The following NRCAM variants were observed in gnomAD, a reference collection of about 807,000 sequenced individuals.
NRCAM encodes the protein neuronal cell adhesion molecule.
NRCAM carries 83 observed loss-of-function variants against 156.5 expected under a neutral mutation model. That is an observed-to-expected ratio of 0.53 (90% confidence interval 0.44 to 0.64). NRCAM has a LOEUF of 0.64. Among genes scored for constraint, NRCAM ranks in the 30% least tolerant of loss-of-function variants. The pLI, the probability that NRCAM is intolerant of heterozygous loss-of-function variation, is 0.00. For synonymous variants in NRCAM, 538 were observed against 563.9 expected (o/e 0.95, Z 0.65); for missense variants, 1,417 against 1,597.3 (o/e 0.89, Z 1.92).
At chr7:108,200,737 TACACACACACACACACACACACAC>T (rs61489479) in intron 13 of NRCAM, among the ~76,000 whole-genome samples, 34 of 134,972 alleles carry the variant, frequency 2.5e-4, no homozygotes, top group African/African-American at 3.8e-4. Flanking sequence ...GATAAAGAAA[TACACACACACACACACACACACAC>T]ACACACACAC....
intron 2 of NRCAM, among the ~76,000 whole-genome samples, chr7:108,317,515 A>G (rs1018548262): frequency 2.0e-5 from 3 of 152,220 alleles, no homozygotes; most frequent in African/African-American, 7.2e-5. Context: ...AAAATTTTAT[A>G]TGGCAGATAG....
intron 1 of NRCAM, among the ~76,000 whole-genome samples, chr7:108,436,069 G>C (rs1205335291): frequency 6.6e-6 from 1 of 152,248 alleles, no homozygotes; most frequent in Non-Finnish European, 1.5e-5. Context: ...GGGAGGCGGA[G>C]CTTGCAGTGA....
chr7:108,299,622 T>C (rs2098548427), intron 3 of NRCAM, among the ~76,000 whole-genome samples: 1 of 152,248 alleles, frequency 6.6e-6, no homozygotes, highest in Admixed American at 6.5e-5. Context: ...TAGAGCCACA[T>C]GTGCAGTGCA....
intron 32 of NRCAM, among the ~76,000 whole-genome samples, chr7:108,153,345 A>G (rs1265202566): frequency 1.3e-5 from 2 of 152,190 alleles, no homozygotes; most frequent in Non-Finnish European, 2.9e-5. Flanking sequence ...AAATAAAAAT[A>G]TGATAATCTC....
intron 2 of NRCAM, among the ~76,000 whole-genome samples, chr7:108,373,843 C>T (rs1459404168): frequency 2.0e-5 from 3 of 152,150 alleles, no homozygotes; most frequent in East Asian, 1.9e-4. Context: ...AATGATGTTA[C>T]ATGGGAAGTG....
At chr7:108,179,405 G>T (rs561248293) in intron 25 of NRCAM, among the ~76,000 whole-genome samples, 1 of 152,216 alleles carries the variant, frequency 6.6e-6, no homozygotes, top group African/African-American at 2.4e-5. Context: ...GCCAGGGTGG[G>T]GTCCATCTTC....
At chr7:108,269,544 G>A (rs2097260890) in intron 3 of NRCAM, among the ~76,000 whole-genome samples, 1 of 152,166 alleles carries the variant, frequency 6.6e-6, no homozygotes. Flanking sequence ...GGGTGACGGG[G>A]AAGGGGTCCA....
intron 30 of NRCAM, among the ~76,000 whole-genome samples, chr7:108,161,623 G>GT (rs1047369550): frequency 6.6e-6 from 1 of 152,124 alleles, no homozygotes; most frequent in Non-Finnish European, 1.5e-5. Flanking sequence ...ACACAGTTGA[G>GT]TTAGGTGTGT....
Position 108,191,235 on chromosome 7 carries a change from A to C in NRCAM, c.1933+19T>G, listed in dbSNP as rs1453026150. On this transcript the variant is annotated intron_variant, in intron 19 of 32. Coordinates refer to ENST00000379028, the MANE Select transcript of NRCAM (RefSeq NM_001037132.4). ...ATTGTTTGACAGAAAACAGAGAAAG[A>C]AGACTCATATTAGTTTACCGTAAAC... is the stretch of plus-strand genomic sequence containing the variant. 1 of 1,593,462 alleles carries C rather than the reference A, an allele frequency of 6.3e-7. No individual in the cohort carries two copies. The highest frequency in any genetic ancestry group is 8.6e-7 in the Non-Finnish European group (1 of 1,166,384).
chr7:108,209,317 A>G lies in NRCAM; in HGVS notation c.1075+104T>C, dbSNP rs562546546. The G allele has an allele frequency of 1.2e-5, 9 of 775,930 alleles. No individual in the cohort carries two copies. In the Admixed American group the frequency reaches 1.6e-4, roughly 14 times the overall value. The allele number at this position is 775,930 out of a possible 1,614,324, so 48.1% of individuals were successfully genotyped here. On this transcript the variant is annotated intron_variant, in intron 12 of 32. Transcript: ENST00000379028. Reference sequence around the variant, plus strand: ...GAGTCAAGGTACCATGAATGTTGACATAACTTTACATTTACCATTACTAAA... The same window carrying G: ...GAGTCAAGGTACCATGAATGTTGACGTAACTTTACATTTACCATTACTAAA...
chr7:108,255,170 T>TC (rs111800077), intron 3 of NRCAM, among the ~76,000 whole-genome samples: 144 of 87,104 alleles, frequency 1.7e-3, no homozygotes, highest in South Asian at 6.5e-3. Flanking sequence ...CCTCTCCCCC[T>TC]CCCCCCCCTG....
chr7:108,388,510 G>T (rs2099748859), intron 2 of NRCAM, among the ~76,000 whole-genome samples: 1 of 152,276 alleles, frequency 6.6e-6, no homozygotes, highest in East Asian at 1.9e-4. Context: ...TCTGTAGGTT[G>T]CCTGTTCACT....
At chr7:108,328,991 C>A (rs757736273) in intron 2 of NRCAM, among the ~76,000 whole-genome samples, 1 of 152,202 alleles carries the variant, frequency 6.6e-6, no homozygotes, top group African/African-American at 2.4e-5. Flanking sequence ...CAATGACTCA[C>A]AACAGTCATT....
At chr7:108,422,547 T>C (rs888769873) in intron 1 of NRCAM, among the ~76,000 whole-genome samples, 1 of 152,078 alleles carries the variant, frequency 6.6e-6, no homozygotes, top group Non-Finnish European at 1.5e-5. Context: ...TCACCCAACT[T>C]TGACAAGTAC....
At chr7:108,209,360 A>G in intron 12 of NRCAM, 61 bp downstream of exon 12, 2 of 1,165,898 alleles carry the variant, frequency 1.7e-6, no homozygotes, top group South Asian at 1.7e-5. Flanking sequence ...TGAAAACCAC[A>G]TTTAATTAAA....
chr7:108,333,020 T>C (rs2099142906), intron 2 of NRCAM, among the ~76,000 whole-genome samples: 1 of 152,212 alleles, frequency 6.6e-6, no homozygotes, highest in Admixed American at 6.5e-5. Context: ...AGCAATTTTA[T>C]ATGATTCAAC....
chr7:108,362,801 C>G (rs79968851), intron 2 of NRCAM, among the ~76,000 whole-genome samples: 2 of 152,096 alleles, frequency 1.3e-5, no homozygotes, highest in African/African-American at 4.8e-5. Context: ...TGTATCTACA[C>G]AGGTTATCAT....
intron 3 of NRCAM, among the ~76,000 whole-genome samples, chr7:108,285,599 T>C (rs2098065530): frequency 6.6e-6 from 1 of 152,208 alleles, no homozygotes; most frequent in African/African-American, 2.4e-5. Flanking sequence ...CTTGTTTCAG[T>C]GAAACCTTAC....
chr7:108,305,767 AT>A lies in NRCAM; in HGVS notation c.-107+6897del, dbSNP rs2098706155. Among the ~76,000 whole-genome samples the A allele has an allele frequency of 4.6e-5, 7 of 152,312 alleles. 1 individual carries two copies. The South Asian group carries it at 1.5e-3, about 32-fold the overall frequency. ...GGCAAACCAAGAAAATGCATATCTA[AT>A]TATACATGTATACTCCCTCTTAGAT... On this transcript the variant is annotated intron_variant, in intron 3 of 32. Coordinates refer to ENST00000379028, the MANE Select transcript of NRCAM (RefSeq NM_001037132.4).
Sources: allele counts gnomAD v4.1 joint callset (sites outside exome capture counted in the v4.1 genomes callset), GRCh38; gene constraint gnomAD v4.1.1; transcripts MANE v1.5; gene names NCBI Gene and HGNC (gene_info 2026-07-23, HGNC 2026-07-21).